The following PTPRN2 variants were observed in gnomAD, a reference collection of about 807,000 sequenced individuals.
PTPRN2 encodes protein tyrosine phosphatase receptor type N2.
PTPRN2 carries 74 observed loss-of-function variants against 118.8 expected under a neutral mutation model. The observed-to-expected ratio is 0.62, with a 90% CI of 0.52 to 0.76. The LOEUF (loss-of-function observed/expected upper bound fraction) is 0.76, where lower values mean the gene tolerates loss of function less well. Ranked by LOEUF, PTPRN2 falls within the 30% of genes least tolerant of loss-of-function variation. The pLI, the probability that PTPRN2 is intolerant of heterozygous loss-of-function variation, is 0.00. For missense variants in PTPRN2, 1,481 were observed against 1,394.4 expected (o/e 1.06, Z -0.99); for synonymous variants, 641 against 608.0 (o/e 1.05, Z -0.80).
At chr7:157,541,504 C>T (rs1439540980) in intron 22 of PTPRN2, among the ~76,000 whole-genome samples, 1 of 152,262 alleles carries the variant, frequency 6.6e-6, no homozygotes, top group Non-Finnish European at 1.5e-5. Context: ...AAGACCAGGG[C>T]TTAGCGCCGG....
intron 12 of PTPRN2, chr7:157,864,942 C>A (rs1470445418): frequency 2.0e-5 from 3 of 152,284 alleles, no homozygotes; most frequent in Admixed American, 1.3e-4. Flanking sequence ...GGGCTCACAG[C>A]TGGCAGGCAC....
intron 11 of PTPRN2, among the ~76,000 whole-genome samples, chr7:158,078,022 T>C (rs934021789): frequency 6.6e-6 from 1 of 152,148 alleles, no homozygotes; most frequent in Non-Finnish European, 1.5e-5. Context: ...CCTGTGCTCA[T>C]ACCCAAGGTC....
At position 157,560,318 on chromosome 7, in the gene PTPRN2, G is replaced by A. The variant is rs1171040224; in HGVS notation, c.2902+8584C>T. Among the ~76,000 whole-genome samples, 1 of 152,168 alleles carries A rather than the reference G, an allele frequency of 6.6e-6. No homozygotes were observed. The highest frequency in any genetic ancestry group is 1.5e-5 in the Non-Finnish European group (1 of 67,998). The stretch of plus-strand genomic sequence containing the variant: ...GCACAGGGACGAAGACCCCCGAGGA[G>A]ACCATCGAAGGATGGTGGGCAGTGC... On this transcript the variant is annotated intron_variant, in intron 21 of 22. Transcript: ENST00000389418. The surrounding 1 kb of genome is among the most constrained non-coding windows in gnomAD (Gnocchi z 6.7).
chr7:157,864,633 G>C (rs962667584), intron 12 of PTPRN2: 5 of 152,326 alleles, frequency 3.3e-5, no homozygotes, highest in African/African-American at 7.2e-5. Flanking sequence ...GGCCACGGCG[G>C]GGCTGTGTGT....
chr7:157,701,112 G>A (rs4716770), intron 12 of PTPRN2, among the ~76,000 whole-genome samples: 9,746 of 152,176 alleles, frequency 0.064, 453 homozygotes, highest in East Asian at 0.23. Context: ...CAGAGAAACC[G>A]TGGAATTCAT....
Position 158,130,351 on chromosome 7 carries a change from C to T in PTPRN2, c.1556+3326G>A, listed in dbSNP as rs1023958389. 1.5e-4 allele frequency among the ~76,000 whole-genome samples: 23 copies of T among 151,900 alleles called. 1 individual carries two copies. The highest frequency in any genetic ancestry group is 2.8e-4 in the Non-Finnish European group (19 of 67,954). ...CACATCATACTGATACACATCTACCCGACACACACACTCATATACACACAT... is the reference window on the plus strand; with the variant it reads ...CACATCATACTGATACACATCTACCTGACACACACACTCATATACACACAT... On this transcript the variant is annotated intron_variant, in intron 9 of 22. Transcript: ENST00000389418.
intron 12 of PTPRN2, among the ~76,000 whole-genome samples, chr7:157,819,909 C>T (rs1435379142): frequency 6.6e-6 from 1 of 151,846 alleles, no homozygotes; most frequent in African/African-American, 2.4e-5. Flanking sequence ...TGTGCACACA[C>T]ACAACACACC....
In PTPRN2 at chr7:157,881,892, T is replaced by TTA. The variant is rs1796151500; in HGVS notation, c.1788+16780_1788+16781insTA. On this transcript the variant is annotated intron_variant, in intron 12 of 22. Transcript: ENST00000389418. This position sits in a 1 kb window ranked among gnomAD's most constrained non-coding sequence, Gnocchi z 4.7. ...CTACTAAAGAGCTACTAGGGCCCAG[T>TTA]GTCTAGGGCCCTCCACCATCCATCA... is the stretch of plus-strand genomic sequence containing the variant. Among the ~76,000 whole-genome samples the TTA allele has an allele frequency of 6.6e-6, 1 of 152,190 alleles. No individual in the cohort carries two copies. Among genetic ancestry groups the TTA allele is most frequent in the Admixed American group, 6.5e-5 (1 of 15,280 alleles).
At chr7:157,912,458 T>C (rs1255683746) in intron 11 of PTPRN2, among the ~76,000 whole-genome samples, 2 of 152,214 alleles carry the variant, frequency 1.3e-5, no homozygotes, top group African/African-American at 4.8e-5. Context: ...ATATCTCAGT[T>C]TGTGGCTTGG....
chr7:157,981,042 G>A (rs1803100853), intron 11 of PTPRN2, among the ~76,000 whole-genome samples: 1 of 152,264 alleles, frequency 6.6e-6, no homozygotes, highest in South Asian at 2.1e-4. Context: ...ACGGGCACTG[G>A]TGATGCCCTG....
rs117101921 is a variant in PTPRN2, at chr7:158,397,564, G to A, written c.164-80632C>T. ...GTGTCCTGCCCCAGCTCAAAATAGG[G>A]ACAGCACAGGGCTCCACCCAGGAAA... is the stretch of plus-strand genomic sequence containing the variant. On this transcript the variant is annotated intron_variant, in intron 2 of 22. Coordinates refer to ENST00000389418, the MANE Select transcript of PTPRN2 (RefSeq NM_002847.5). Among the ~76,000 whole-genome samples, 357 of 152,266 alleles carry A rather than the reference G, an allele frequency of 2.3e-3. 5 individuals carry two copies. Among genetic ancestry groups the A allele is most frequent in the Middle Eastern group, 0.017 (5 of 294 alleles).
At chr7:158,070,883 G>GGTGGAGGTGCCCATGGTA (rs1368017201) in intron 11 of PTPRN2, among the ~76,000 whole-genome samples, 2 of 131,742 alleles carry the variant, frequency 1.5e-5, no homozygotes, top group East Asian at 2.3e-4. Context: ...TGCCCATGGT[G>GGTGGAGGTGCCCATGGTA]GTGGAGGTGC....
chr7:157,939,325 C>T (rs779898272), intron 11 of PTPRN2, among the ~76,000 whole-genome samples: 10 of 152,382 alleles, frequency 6.6e-5, no homozygotes, highest in Middle Eastern at 3.4e-3. Flanking sequence ...CATCACTGAG[C>T]GGCCACAGGG....
intron 11 of PTPRN2, among the ~76,000 whole-genome samples, chr7:158,023,506 A>T (rs1267676286): frequency 6.6e-6 from 1 of 152,152 alleles, no homozygotes; most frequent in East Asian, 1.9e-4. Context: ...AAGTTTTCAA[A>T]CACGCACATT....
chr7:158,104,068 G>A (rs1815465614), intron 10 of PTPRN2, among the ~76,000 whole-genome samples: 1 of 151,968 alleles, frequency 6.6e-6, no homozygotes, highest in African/African-American at 2.4e-5. Flanking sequence ...TCACCATTTT[G>A]GCCAGGCTGG....
intron 6 of PTPRN2, among the ~76,000 whole-genome samples, chr7:158,160,860 CTTATT>C (rs1822296852): frequency 6.6e-6 from 1 of 152,198 alleles, no homozygotes; most frequent in African/African-American, 2.4e-5. Flanking sequence ...GTTATTATTG[CTTATT>C]TTATTGTGTA....
At chr7:158,290,941 T>C (rs1800084360) in intron 3 of PTPRN2, among the ~76,000 whole-genome samples, 1 of 152,212 alleles carries the variant, frequency 6.6e-6, no homozygotes, top group Non-Finnish European at 1.5e-5. Flanking sequence ...TGACTCTCTT[T>C]AAAATATTCA....
At chr7:158,152,920 C>T (rs1451458782) in intron 6 of PTPRN2, among the ~76,000 whole-genome samples, 8 of 136,222 alleles carry the variant, frequency 5.9e-5, no homozygotes, top group African/African-American at 2.1e-4. Flanking sequence ...AGGCCACCGA[C>T]TGATGGGATA....
chr7:158,148,963 C>A (rs1370462809), intron 6 of PTPRN2, among the ~76,000 whole-genome samples: 4 of 126,366 alleles, frequency 3.2e-5, no homozygotes, highest in African/African-American at 1.3e-4. Context: ...TGTCTTTCCC[C>A]TTCAATGACA....
Sources: allele counts gnomAD v4.1 joint callset (sites outside exome capture counted in the v4.1 genomes callset), GRCh38; gene constraint gnomAD v4.1.1; non-coding constraint Gnocchi (gnomAD v3.1); transcripts MANE v1.5; gene names NCBI Gene and HGNC (gene_info 2026-07-23, HGNC 2026-07-21).